GLCCI1: variants seen among roughly 807,000 people sequenced by gnomAD.
The protein encoded by GLCCI1 is glucocorticoid induced 1, also known as glucocorticoid-induced transcript 1 protein.
A neutral mutation model predicts 52.2 loss-of-function variants in GLCCI1; 24 were observed. The ratio of observed to expected loss-of-function variants is 0.46; its 90% confidence interval spans 0.33 to 0.65. GLCCI1 has a LOEUF of 0.65. Among genes scored for constraint, GLCCI1 ranks in the 30% least tolerant of loss-of-function variants. The pLI is 0.02. For synonymous variants in GLCCI1, 310 were observed against 276.5 expected (o/e 1.12, Z -1.20); for missense variants, 704 against 701.5 (o/e 1.00, Z -0.04).
Position 8,088,240 on chromosome 7 carries a change from T to TTG in GLCCI1, c.*1732_*1733dup, listed in dbSNP as rs58360790. On this transcript the variant is annotated 3_prime_UTR_variant, in exon 8 of 8. Transcript: ENST00000223145. ...AGAAATGATATATATATGTATATGTTTGTGTGTGTGTGTGTGTGTGTGTGT... is the reference window on the plus strand; with the variant it reads ...AGAAATGATATATATATGTATATGTTTGTGTGTGTGTGTGTGTGTGTGTGTGT... The TTG allele has an allele frequency of 0.065, 9,504 of 147,346 alleles. 357 individuals are homozygous for TTG. Among genetic ancestry groups the TTG allele is most frequent in the East Asian group, 0.14 (700 of 5,008 alleles). 9.1% of individuals were successfully genotyped at this position (147,346 alleles called of 1,614,324 possible).
intron 6 of GLCCI1, among the ~76,000 whole-genome samples, chr7:8,074,997 G>A (rs960876096): frequency 5.9e-5 from 9 of 152,110 alleles, no homozygotes; most frequent in Admixed American, 6.5e-5. Flanking sequence ...AATGAGGGAT[G>A]TGCTGGTGAG....
chr7:8,015,808 T>C (rs1781366036), intron 2 of GLCCI1, among the ~76,000 whole-genome samples: 1 of 152,252 alleles, frequency 6.6e-6, no homozygotes, highest in South Asian at 2.1e-4. Flanking sequence ...ACGTTATGTG[T>C]TCATTTGTTT....
chr7:8,056,729 A>AT (rs2127959526), intron 4 of GLCCI1, among the ~76,000 whole-genome samples: 1 of 152,324 alleles, frequency 6.6e-6, no homozygotes, highest in Admixed American at 6.5e-5. Flanking sequence ...ATTACACTTG[A>AT]TAAAAACTCA....
In GLCCI1 at chr7:8,006,608, A is replaced by G. The variant is rs78766693; in HGVS notation, c.609+2549A>G. Among the ~76,000 whole-genome samples, 15 of 152,352 alleles carry G rather than the reference A, an allele frequency of 9.8e-5. No individual in the cohort carries two copies. The East Asian group carries it at 2.9e-3, about 29-fold the overall frequency. On this transcript the variant is annotated intron_variant, in intron 2 of 7. Transcript: ENST00000223145. Reference sequence around the variant, plus strand: ...GGGTCTGCAGCAAATATAAAGACCAATATACTATATGTACGTAAGTTAAAT... The same window carrying G: ...GGGTCTGCAGCAAATATAAAGACCAGTATACTATATGTACGTAAGTTAAAT...
At chr7:8,020,075 T>A (rs1781454884) in intron 2 of GLCCI1, among the ~76,000 whole-genome samples, 1 of 152,234 alleles carries the variant, frequency 6.6e-6, no homozygotes, top group Non-Finnish European at 1.5e-5. Context: ...TTTTTGAGCC[T>A]TTCATAATAA....
intron 3 of GLCCI1, among the ~76,000 whole-genome samples, chr7:8,036,353 A>G (rs772270839): frequency 6.6e-6 from 1 of 152,230 alleles, no homozygotes; most frequent in African/African-American, 2.4e-5. Context: ...AATAAAAGCC[A>G]AAAGGCCATA....
rs534878662 is a variant in GLCCI1, at chr7:8,082,772, A to T, written c.1178-2125A>T. On this transcript the variant is annotated intron_variant, in intron 6 of 7. Coordinates refer to ENST00000223145, the MANE Select transcript of GLCCI1 (RefSeq NM_138426.4). ...AATTAGAAATATTTTAAGAAGAAAA[A>T]TTACTTATTCTAGATTGTTAACAGG... Among the ~76,000 whole-genome samples, 6 of 152,226 alleles carry T rather than the reference A, an allele frequency of 3.9e-5. No homozygotes were observed. The South Asian group carries it at 8.3e-4, about 21-fold the overall frequency.
intron 1 of GLCCI1, among the ~76,000 whole-genome samples, chr7:7,979,581 C>T (rs935079343): frequency 6.6e-6 from 1 of 152,134 alleles, no homozygotes; most frequent in Non-Finnish European, 1.5e-5. Context: ...TATCTTGCTG[C>T]CTTTACCTAT....
intron 1 of GLCCI1, among the ~76,000 whole-genome samples, chr7:7,970,779 G>C (rs760729186): frequency 1.3e-5 from 2 of 152,198 alleles, no homozygotes; most frequent in African/African-American, 2.4e-5. Flanking sequence ...AAGCTCATAA[G>C]GGAGAGTGGA....
At chr7:7,970,346 A>T (rs960035516) in intron 1 of GLCCI1, 5 of 152,026 alleles carry the variant, frequency 3.3e-5, no homozygotes, top group African/African-American at 1.2e-4. Flanking sequence ...ATTGAAGTGT[A>T]TACGGTTTTT....
At position 7,969,255 on chromosome 7, in the gene GLCCI1, C is replaced by G; in HGVS notation, c.-96C>G. The G allele has an allele frequency of 8.7e-7, 1 of 1,146,918 alleles. No homozygotes were observed. Among genetic ancestry groups the G allele is most frequent in the Non-Finnish European group, 1.1e-6 (1 of 917,884 alleles). The allele number at this position is 1,146,918 out of a possible 1,614,324, so 71.0% of individuals were successfully genotyped here. On this transcript the variant is annotated 5_prime_UTR_variant, in exon 1 of 8. Transcript: ENST00000223145. The surrounding 1 kb of genome is among the most constrained non-coding windows in gnomAD (Gnocchi z 4.9). ...TACCCCCGCCCCTCCCCCTTACACA[C>G]TCGCACGCACTATCGCGCCGGCTCC...
At chr7:7,991,752 A>G (rs2115416479) in intron 1 of GLCCI1, among the ~76,000 whole-genome samples, 1 of 152,020 alleles carries the variant, frequency 6.6e-6, no homozygotes, top group East Asian at 1.9e-4. Context: ...TTATCCCATC[A>G]TTTCTCATGG....
At chr7:8,065,281 T>C (rs1472577819) in intron 5 of GLCCI1, among the ~76,000 whole-genome samples, 3 of 152,208 alleles carry the variant, frequency 2.0e-5, no homozygotes, top group African/African-American at 7.2e-5. Flanking sequence ...TGAAGTTGTT[T>C]ATCAGATCAA....
intron 2 of GLCCI1, among the ~76,000 whole-genome samples, chr7:8,013,304 A>G (rs1244063014): frequency 6.6e-6 from 1 of 152,048 alleles, no homozygotes; most frequent in Admixed American, 6.5e-5. Context: ...ATCCAGCTTT[A>G]TTTATTTTTC....
chr7:7,988,915 G>A (rs1021465461), intron 1 of GLCCI1, among the ~76,000 whole-genome samples: 19 of 152,020 alleles, frequency 1.2e-4, no homozygotes, highest in African/African-American at 4.1e-4. Context: ...AAGGCTAAAT[G>A]ATAAAGAACA....
chr7:8,015,868 C>G (rs1781366902), intron 2 of GLCCI1, among the ~76,000 whole-genome samples: 1 of 152,172 alleles, frequency 6.6e-6, no homozygotes, highest in Admixed American at 6.5e-5. Flanking sequence ...CCCCGTTACC[C>G]TGATACTCAG....
intron 3 of GLCCI1, among the ~76,000 whole-genome samples, chr7:8,024,483 G>C (rs1781570645): frequency 6.6e-6 from 1 of 152,188 alleles, no homozygotes; most frequent in Admixed American, 6.5e-5. Flanking sequence ...TACAGTCTTA[G>C]AGTTATCAAC....
chr7:8,028,831 G>C (rs1027549350), intron 3 of GLCCI1, among the ~76,000 whole-genome samples: 12 of 152,108 alleles, frequency 7.9e-5, no homozygotes, highest in African/African-American at 2.9e-4. Context: ...ACAACTATAT[G>C]CCAATAAATT....
chr7:8,035,105 T>C (rs185621284), intron 3 of GLCCI1, among the ~76,000 whole-genome samples: 49 of 152,200 alleles, frequency 3.2e-4, no homozygotes, highest in Non-Finnish European at 1.5e-5. Flanking sequence ...ACTCAGATTG[T>C]AGCAGCCACA....
Sources: allele counts gnomAD v4.1 joint callset (sites outside exome capture counted in the v4.1 genomes callset), GRCh38; gene constraint gnomAD v4.1.1; non-coding constraint Gnocchi (gnomAD v3.1); transcripts MANE v1.5; gene names NCBI Gene and HGNC (gene_info 2026-07-23, HGNC 2026-07-21).